DDX42: variants seen among roughly 807,000 people sequenced by gnomAD.
The protein encoded by DDX42 is ATP-dependent RNA helicase DDX42.
In DDX42, 22 loss-of-function variants were observed where a neutral mutation model predicts 101.5. The ratio of observed to expected loss-of-function variants is 0.22; its 90% CI spans 0.15 to 0.31. The LOEUF is 0.31. Ranked by LOEUF, DDX42 falls within the 10% of genes least tolerant of loss-of-function variation. The pLI is 1.00. For missense variants in DDX42, 849 were observed against 1,199.9 expected (o/e 0.71, Z 4.32); for synonymous variants, 402 against 401.2 (o/e 1.00, Z -0.02).
chr17:63,787,305 G>A, intron 2 of DDX42, 35 bp downstream of exon 2: 1 of 1,602,986 alleles, frequency 6.2e-7, no homozygotes, highest in Non-Finnish European at 8.5e-7. Context: ...AGCAAAGTTT[G>A]GACTTTGATA....
At chr17:63,791,969 C>G (rs1174672720) in intron 2 of DDX42, among the ~76,000 whole-genome samples, 1 of 151,940 alleles carries the variant, frequency 6.6e-6, no homozygotes, top group African/African-American at 2.4e-5. Flanking sequence ...ATAGCTTGAA[C>G]CCAGAAGGCG....
intron 1 of DDX42, among the ~76,000 whole-genome samples, chr17:63,781,318 T>C (rs2039485375): frequency 6.6e-6 from 1 of 152,052 alleles, no homozygotes; most frequent in Non-Finnish European, 1.5e-5. Context: ...CCCAGGTTCA[T>C]GCCTTTCTCC....
chr17:63,811,298 G>A, intron 13 of DDX42, 125 bp downstream of exon 13: 1 of 711,608 alleles, frequency 1.4e-6, no homozygotes, highest in Non-Finnish European at 2.2e-6. Flanking sequence ...CAACATGCTT[G>A]AGATTGGGTA....
At chr17:63,798,740 T>G (rs942657924) in intron 4 of DDX42, among the ~76,000 whole-genome samples, 4 of 152,334 alleles carry the variant, frequency 2.6e-5, no homozygotes, top group Non-Finnish European at 5.9e-5. Flanking sequence ...ATGAATAAAC[T>G]CCTAAGGCTT....
At chr17:63,798,770 G>C (rs541810642) in intron 4 of DDX42, among the ~76,000 whole-genome samples, 6 of 152,248 alleles carry the variant, frequency 3.9e-5, no homozygotes, top group Admixed American at 2.0e-4. Context: ...GTCATGATTG[G>C]ACTTTTTTCT....
rs1273867019 is a variant in DDX42 at position 63,819,191 on chromosome 17, ATTTT to A, written c.*795_*798del. Reference sequence around the variant, plus strand: ...GTCTTTTGCTGAAATGATTTTGATGATTTTTGTTTATCGTTTATAAAAAGGAAAA... The same window carrying A: ...GTCTTTTGCTGAAATGATTTTGATGATGTTTATCGTTTATAAAAAGGAAAA... On this transcript the variant is annotated 3_prime_UTR_variant, in exon 18 of 18. Coordinates refer to ENST00000389924, the MANE Select transcript of DDX42 (RefSeq NM_203499.3). 6.6e-6 allele frequency: 1 copy of A among 152,490 alleles called. No homozygotes were observed. Among genetic ancestry groups the A allele is most frequent in the African/African-American group, 2.4e-5 (1 of 41,388 alleles). The allele number at this position is 152,490 out of a possible 1,614,324, so 9.4% of individuals were successfully genotyped here. A position where few individuals can be genotyped will look rare whatever the true frequency, so the allele number is the denominator to read the frequency against.
intron 1 of DDX42, among the ~76,000 whole-genome samples, chr17:63,781,306 C>T (rs1342679329): frequency 6.6e-6 from 1 of 152,172 alleles, no homozygotes; most frequent in Admixed American, 6.5e-5. Context: ...CAAGCTCTAC[C>T]TCCCAGGTTC....
At chr17:63,776,334 C>T (rs1158798865) in intron 1 of DDX42, 13 of 152,350 alleles carry the variant, frequency 8.5e-5, no homozygotes, top group Admixed American at 7.2e-4. Flanking sequence ...TTCGTCTGCA[C>T]GTCTCTACCC....
intron 6 of DDX42, 140 bp from the exon 7 acceptor site, chr17:63,804,931 G>A (rs1171330092): frequency 1.9e-6 from 2 of 1,032,172 alleles, no homozygotes; most frequent in South Asian, 1.8e-5. Flanking sequence ...TCTAAGCTGA[G>A]AATAAATTAA....
At chr17:63,812,309 C>G (rs2039920243) in intron 14 of DDX42, 101 bp downstream of exon 14, 14 of 1,442,242 alleles carry the variant, frequency 9.7e-6, no homozygotes, top group South Asian at 1.4e-5. Context: ...GATGGAAAGA[C>G]TGTTGGCCTG....
chr17:63,791,599 C>T (rs1171301029), intron 2 of DDX42, among the ~76,000 whole-genome samples: 1 of 152,156 alleles, frequency 6.6e-6, no homozygotes, highest in African/African-American at 2.4e-5. Context: ...GTGTGAGCCA[C>T]CACGCCTGGC....
At chr17:63,801,296 C>G (rs1028122360) in intron 6 of DDX42, among the ~76,000 whole-genome samples, 4 of 152,058 alleles carry the variant, frequency 2.6e-5, no homozygotes, top group Admixed American at 2.0e-4. Context: ...CTCAGGTGAT[C>G]CCCCTGCCTC....
chr17:63,811,473 G>C (rs1157963222), intron 13 of DDX42: 1 of 365,146 alleles, frequency 2.7e-6, no homozygotes. Context: ...GAGACAAAAA[G>C]ATGTGCCTGG....
At chr17:63,791,941 G>C (rs1446817938) in intron 2 of DDX42, among the ~76,000 whole-genome samples, 1 of 151,990 alleles carries the variant, frequency 6.6e-6, no homozygotes, top group Non-Finnish European at 1.5e-5. Flanking sequence ...CAGCTACTAG[G>C]GAGGGCAAGG....
intron 1 of DDX42, among the ~76,000 whole-genome samples, chr17:63,786,632 ATTT>A (rs1207440671): frequency 6.6e-6 from 1 of 152,122 alleles, no homozygotes; most frequent in African/African-American, 2.4e-5. Flanking sequence ...TTAAAATAAA[ATTT>A]TAGGTGGAGG....
chr17:63,787,557 A>G (rs1049745159), intron 2 of DDX42, among the ~76,000 whole-genome samples: 9 of 152,010 alleles, frequency 5.9e-5, no homozygotes, highest in African/African-American at 1.7e-4. Context: ...TGGGCGTGGT[A>G]GCTGGGCGTG....
chr17:63,809,486 A>G, intron 10 of DDX42, 74 bp from the exon 11 acceptor site: 1 of 1,205,396 alleles, frequency 8.3e-7, no homozygotes, highest in Non-Finnish European at 1.2e-6. Context: ...CACTTTTGCC[A>G]GGAGTGCAAC....
chr17:63,798,244 T>C, intron 4 of DDX42, 145 bp downstream of exon 4: 1 of 666,362 alleles, frequency 1.5e-6, no homozygotes, highest in East Asian at 2.7e-5. Context: ...TTGAATACTT[T>C]AAGAATAGAG....
intron 9 of DDX42, among the ~76,000 whole-genome samples, chr17:63,808,601 G>A (rs868084456): frequency 3.3e-5 from 5 of 152,306 alleles, no homozygotes; most frequent in Middle Eastern, 3.4e-3. Flanking sequence ...ATCAGGAAGA[G>A]AAGGGGGTAA....
Sources: allele counts gnomAD v4.1 joint callset (sites outside exome capture counted in the v4.1 genomes callset), GRCh38; gene constraint gnomAD v4.1.1; transcripts MANE v1.5; gene names NCBI Gene and HGNC (gene_info 2026-07-23, HGNC 2026-07-21).